The following FARS2 variants were observed in gnomAD, a reference collection of about 807,000 sequenced individuals.
FARS2 encodes the protein phenylalanyl-tRNA synthetase 2, mitochondrial.
Under a neutral mutation model 46.4 loss-of-function variants are expected in FARS2, and 40 were observed. That is an observed-to-expected ratio of 0.86 (90% CI 0.67 to 1.12). FARS2 has a LOEUF of 1.12. FARS2 is among the 50% of genes most tolerant of loss of function. The pLI is 0.00. For missense variants in FARS2, 513 were observed against 567.9 expected, an observed-to-expected ratio of 0.90 and a Z score of 0.98; for synonymous variants, 234 against 214.9, an observed-to-expected ratio of 1.09 and a Z score of -0.78.
At chr6:5,655,795 A>G in intron 6 of FARS2, among the ~76,000 whole-genome samples, 1 of 152,180 alleles carries the variant, frequency 6.6e-6, no homozygotes, top group East Asian at 1.9e-4. Flanking sequence ...TCTTTGGAGG[A>G]TCATTCTTTT....
At chr6:5,555,336 T>A (rs527242702) in intron 5 of FARS2, among the ~76,000 whole-genome samples, 1 of 152,208 alleles carries the variant, frequency 6.6e-6, no homozygotes, top group East Asian at 1.9e-4. Context: ...TAATACAGTG[T>A]GTAACACTGG....
intron 2 of FARS2, among the ~76,000 whole-genome samples, chr6:5,378,156 A>G (rs1759500984): frequency 6.6e-6 from 1 of 151,748 alleles, no homozygotes; most frequent in South Asian, 2.1e-4. Flanking sequence ...TATACCACCC[A>G]CCCCTTTAAA....
At chr6:5,303,937 C>T (rs1445164552) in intron 1 of FARS2, among the ~76,000 whole-genome samples, 5 of 152,002 alleles carry the variant, frequency 3.3e-5, no homozygotes, top group South Asian at 4.1e-4. Context: ...GGTGGCTCTC[C>T]GTGGACTGCT....
chr6:5,661,943 T>C (rs904292750), intron 6 of FARS2, among the ~76,000 whole-genome samples: 2 of 150,550 alleles, frequency 1.3e-5, no homozygotes, highest in Non-Finnish European at 3.0e-5. Flanking sequence ...TGTTACAGTG[T>C]TCCTCAGAAG....
chr6:5,465,760 G>A (rs150395519), intron 4 of FARS2, among the ~76,000 whole-genome samples: 54 of 151,812 alleles, frequency 3.6e-4, no homozygotes, highest in Admixed American at 5.9e-4. Context: ...GGCATTAAAA[G>A]TCCATTCATT....
chr6:5,688,201 C>T (rs940380016), intron 6 of FARS2, among the ~76,000 whole-genome samples: 23 of 152,184 alleles, frequency 1.5e-4, no homozygotes, highest in Admixed American at 2.6e-4. Context: ...TTTCCTTCTC[C>T]TGCCTGATTG....
At chr6:5,473,228 A>T (rs1765901246) in intron 4 of FARS2, among the ~76,000 whole-genome samples, 1 of 152,150 alleles carries the variant, frequency 6.6e-6, no homozygotes, top group Admixed American at 6.5e-5. Context: ...TGTGTGCATT[A>T]AGAATACCCT....
chr6:5,281,664 T>A (rs1025387114), intron 1 of FARS2, among the ~76,000 whole-genome samples: 1 of 144,988 alleles, frequency 6.9e-6, no homozygotes, highest in African/African-American at 2.4e-5. Flanking sequence ...ATTCTGTGAA[T>A]TTGATGATAT....
chr6:5,363,585 G>A (rs1316098244), intron 1 of FARS2, among the ~76,000 whole-genome samples: 1 of 152,106 alleles, frequency 6.6e-6, no homozygotes, highest in African/African-American at 2.4e-5. Flanking sequence ...GTGTTTGTGT[G>A]TTCTACTCTC....
At chr6:5,340,688 T>G (rs1468382383) in intron 1 of FARS2, among the ~76,000 whole-genome samples, 1 of 152,128 alleles carries the variant, frequency 6.6e-6, no homozygotes, top group Non-Finnish European at 1.5e-5. Flanking sequence ...ATATTAAGGT[T>G]TCCGCTTCTT....
At chr6:5,524,737 T>C (rs1214781185) in intron 4 of FARS2, among the ~76,000 whole-genome samples, 2 of 152,240 alleles carry the variant, frequency 1.3e-5, no homozygotes, top group Non-Finnish European at 2.9e-5. Context: ...TTCAATAACT[T>C]GTCCAAGATC....
chr6:5,696,365 A>C (rs541422310), intron 6 of FARS2, among the ~76,000 whole-genome samples: 1 of 152,318 alleles, frequency 6.6e-6, no homozygotes, highest in Non-Finnish European at 1.5e-5. Flanking sequence ...CACTTTATAC[A>C]GCTTGTCTCA....
At chr6:5,307,300 G>A (rs1383998525) in intron 1 of FARS2, among the ~76,000 whole-genome samples, 1 of 152,132 alleles carries the variant, frequency 6.6e-6, no homozygotes, top group African/African-American at 2.4e-5. Context: ...TTCACTCAGT[G>A]GAGGCCAGGC....
chr6:5,418,154 T>A (rs1762346417), intron 3 of FARS2, among the ~76,000 whole-genome samples: 1 of 152,248 alleles, frequency 6.6e-6, no homozygotes, highest in African/African-American at 2.4e-5. Context: ...AACACATTTT[T>A]TCCTACTAAT....
intron 6 of FARS2, among the ~76,000 whole-genome samples, chr6:5,624,896 C>T (rs1260102606): frequency 6.6e-6 from 1 of 151,320 alleles, no homozygotes; most frequent in African/African-American, 2.4e-5. Context: ...AAACTTGTGC[C>T]CTCCGTTCAC....
At chr6:5,637,564 G>A (rs375105290) in intron 6 of FARS2, among the ~76,000 whole-genome samples, 12 of 152,186 alleles carry the variant, frequency 7.9e-5, no homozygotes, top group South Asian at 4.1e-4. Context: ...TGCTTCCAGC[G>A]TATTGATTTA....
intron 1 of FARS2, among the ~76,000 whole-genome samples, chr6:5,353,075 A>G (rs1285879831): frequency 6.6e-6 from 1 of 152,106 alleles, no homozygotes; most frequent in Non-Finnish European, 1.5e-5. Flanking sequence ...CTTCCCTTCT[A>G]CAGCCTATGC....
the FARS2 span, among the ~76,000 whole-genome samples, chr6:5,253,692 T>C: frequency 3.3e-5 from 5 of 152,104 alleles, no homozygotes; most frequent in Non-Finnish European, 7.4e-5. Context: ...CACCGACCAA[T>C]TGAGAGCAAT....
intron 4 of FARS2, among the ~76,000 whole-genome samples, chr6:5,541,498 C>T (rs1045903858): frequency 2.6e-5 from 4 of 152,262 alleles, no homozygotes; most frequent in Admixed American, 1.3e-4. Context: ...TCTATAGTTT[C>T]GCCTTGTCTA....
Sources: allele counts gnomAD v4.1 joint callset (sites outside exome capture counted in the v4.1 genomes callset), GRCh38; gene constraint gnomAD v4.1.1; transcripts MANE v1.5; gene names NCBI Gene and HGNC (gene_info 2026-07-23, HGNC 2026-07-21).